Variants in PDE8B observed in about 807,000 individuals in gnomAD.
The protein encoded by PDE8B is high affinity cAMP-specific and IBMX-insensitive 3',5'-cyclic phosphodiesterase 8B.
In PDE8B, 26 loss-of-function variants were observed where a neutral mutation model predicts 101.3. That is an observed-to-expected ratio of 0.26 (90% CI 0.19 to 0.36). The LOEUF (loss-of-function observed/expected upper bound fraction) is 0.36, where lower values mean the gene tolerates loss of function less well. PDE8B is among the 10% of genes least tolerant of loss of function. The probability of loss-of-function intolerance (pLI) is 1.00; values close to 1 mark genes in which losing one functional copy is unlikely to be tolerated. For missense variants in PDE8B, 810 were observed against 1,163.1 expected, an observed-to-expected ratio of 0.70 and a Z score of 4.42; for synonymous variants, 424 against 429.3, an observed-to-expected ratio of 0.99 and a Z score of 0.15.
chr5:77,425,647 T>C, intron 20 of PDE8B, 120 bp from the exon 21 acceptor site: 2 of 1,022,364 alleles, frequency 2.0e-6, no homozygotes, highest in South Asian at 1.3e-5. Flanking sequence ...GCTGAGCCTA[T>C]TTCTTCATTG....
At chr5:77,177,857 A>G in the PDE8B span, among the ~76,000 whole-genome samples, 6 of 152,236 alleles carry the variant, frequency 3.9e-5, no homozygotes, top group African/African-American at 1.4e-4. Context: ...AATGGCATGC[A>G]ATTTACAACT....
At chr5:77,272,568 A>C (rs2149785449) in intron 1 of PDE8B, among the ~76,000 whole-genome samples, 2 of 152,292 alleles carry the variant, frequency 1.3e-5, no homozygotes, top group South Asian at 4.2e-4. Context: ...CTCCAGCTGC[A>C]GTCTGGTTTG....
chr5:77,299,464 T>C (rs986807894), intron 1 of PDE8B, among the ~76,000 whole-genome samples: 8 of 124,566 alleles, frequency 6.4e-5, no homozygotes, highest in Non-Finnish European at 1.3e-4. Context: ...GATGTTCCCC[T>C]TCCTGTGTCC....
chr5:77,097,245 G>T, the PDE8B span, among the ~76,000 whole-genome samples: 1 of 152,130 alleles, frequency 6.6e-6, no homozygotes, highest in Admixed American at 6.5e-5. Context: ...TTGCTGGAAT[G>T]GGGAGCCACG....
At chr5:77,225,655 A>C (rs892245647) in intron 1 of PDE8B, among the ~76,000 whole-genome samples, 2 of 152,188 alleles carry the variant, frequency 1.3e-5, no homozygotes, top group African/African-American at 4.8e-5. Context: ...GGACATAGCC[A>C]GGAAATAGAT....
rs70988668 is a variant in PDE8B at position 77,375,889 on chromosome 5, C to CTTTTTTTTTTTTT, written c.1167+22491_1167+22503dup. 5.0e-4 allele frequency among the ~76,000 whole-genome samples: 54 copies of CTTTTTTTTTTTTT among 108,314 alleles called. 2 individuals carry two copies. Among genetic ancestry groups the CTTTTTTTTTTTTT allele is most frequent in the Non-Finnish European group, 6.6e-4 (37 of 56,398 alleles). The allele number at this position is 108,314 out of a possible 152,430, so 71.1% of individuals were successfully genotyped here. ...TAATACTCACTTTGTGCCTTGATTT[C>CTTTTTTTTTTTTT]TTTTTTTTTTTTTTTTTTTTGAGGC... On this transcript the variant is annotated intron_variant, in intron 10 of 21. Transcript: ENST00000264917.
the PDE8B span, among the ~76,000 whole-genome samples, chr5:77,136,006 C>G: frequency 6.6e-6 from 1 of 152,006 alleles, no homozygotes; most frequent in African/African-American, 2.4e-5. Flanking sequence ...TATCTTTTTT[C>G]CTCTATTGCC....
At chr5:77,376,694 T>C (rs1246926163) in intron 10 of PDE8B, among the ~76,000 whole-genome samples, 1 of 152,216 alleles carries the variant, frequency 6.6e-6, no homozygotes, top group Non-Finnish European at 1.5e-5. Context: ...CACACAGTGA[T>C]AAAACTGTTT....
rs200405024 is a variant in PDE8B at position 77,421,832 on chromosome 5, C to T, written c.2262C>T (p.Ser754=). 60 of 1,613,826 alleles carry T rather than the reference C, an allele frequency of 3.7e-5. No individual in the cohort carries two copies. The highest frequency in any genetic ancestry group is 4.7e-5 in the Non-Finnish European group (56 of 1,179,902). ...NKPMAAEIEG[S]DCECNPAGKN... ...CATCTGTTTTCCAGATTGAAGGCAG[C>T]GACTGTGAATGCAACCCTGCTGGGA... Residue 754 remains serine, a synonymous_variant, in exon 20 of 22, where the codon AGC becomes AGT. Transcript: ENST00000264917.
rs759817766 is a variant in PDE8B at position 77,418,384 on chromosome 5, C to T, written c.2067C>T (p.Thr689=). The T allele has an allele frequency of 1.3e-5, 21 of 1,613,974 alleles. No homozygotes were observed. Among genetic ancestry groups the T allele is most frequent in the African/African-American group, 4.0e-5 (3 of 74,918 alleles). The part of the protein sequence containing the change: ...NDTAVLESHH[T]ALAFQLTVKD... ...CTGCTGTTCTGGAGAGTCACCACAC[C>T]GCCCTGGCCTTCCAGCTCACGGTCA... Residue 689 remains threonine, a synonymous_variant, in exon 18 of 22, where the codon ACC becomes ACT. Transcript: ENST00000264917.
At chr5:77,250,681 T>A (rs1757891083) in intron 1 of PDE8B, among the ~76,000 whole-genome samples, 3 of 151,882 alleles carry the variant, frequency 2.0e-5, no homozygotes, top group Admixed American at 2.0e-4. Context: ...TGTGGGGAGG[T>A]CTCAGTCTCT....
At chr5:77,400,407 A>C in intron 11 of PDE8B, 117 bp downstream of exon 11, 5 of 757,952 alleles carry the variant, frequency 6.6e-6, no homozygotes, top group South Asian at 5.8e-5. Context: ...TGGAGTGCTA[A>C]AATCCACGTG....
At chr5:77,247,248 A>C (rs1476932304) in intron 1 of PDE8B, among the ~76,000 whole-genome samples, 1 of 152,122 alleles carries the variant, frequency 6.6e-6, no homozygotes. Context: ...TCACAGGTGT[A>C]CTTTTCTCCT....
chr5:77,377,918 A>G (rs950838667), intron 10 of PDE8B, among the ~76,000 whole-genome samples: 14 of 152,022 alleles, frequency 9.2e-5, no homozygotes, highest in Non-Finnish European at 1.5e-5. Context: ...ACTTGCAGAC[A>G]TCGTATCATG....
chr5:77,155,208 GGA>G, the PDE8B span, among the ~76,000 whole-genome samples: 667 of 152,236 alleles, frequency 4.4e-3, 6 homozygotes, highest in South Asian at 0.043. Flanking sequence ...GAGTATGTGT[GGA>G]GAGAGAGAAA....
intron 8 of PDE8B, among the ~76,000 whole-genome samples, chr5:77,349,832 G>A (rs1407454107): frequency 1.3e-5 from 2 of 152,152 alleles, no homozygotes; most frequent in Non-Finnish European, 2.9e-5. Flanking sequence ...CTGGAATATC[G>A]TGGGTATCTC....
chr5:77,374,532 G>T (rs1483751665), intron 10 of PDE8B, among the ~76,000 whole-genome samples: 3 of 151,814 alleles, frequency 2.0e-5, no homozygotes, highest in African/African-American at 7.3e-5. Context: ...TTTTTAAGTG[G>T]TTGTCCTGGG....
At chr5:77,352,112 T>A (rs1381421454) in intron 9 of PDE8B, among the ~76,000 whole-genome samples, 1 of 152,194 alleles carries the variant, frequency 6.6e-6, no homozygotes, top group Non-Finnish European at 1.5e-5. Context: ...AGCTCCCTTT[T>A]TGCTTCACTC....
the PDE8B span, among the ~76,000 whole-genome samples, chr5:77,128,242 T>G: frequency 2.6e-5 from 4 of 152,180 alleles, no homozygotes; most frequent in South Asian, 2.1e-4. Context: ...TGCTGCTGGA[T>G]CTGCACTTAC....
Sources: gnomAD v4.1 joint callset for allele counts (sites outside exome capture counted in the v4.1 genomes callset) on GRCh38, gnomAD v4.1.1 for gene constraint, MANE v1.5 for transcripts, NCBI Gene and HGNC (gene_info 2026-07-23, HGNC 2026-07-21) for gene names.